The following UBR3 variants were observed in gnomAD, a reference collection of about 807,000 sequenced individuals.
UBR3 encodes ubiquitin protein ligase E3 component n-recognin 3.
Under a neutral mutation model 243.2 loss-of-function variants are expected in UBR3, and 85 were observed. That is an observed-to-expected ratio of 0.35 (90% confidence interval 0.29 to 0.42). UBR3 has a LOEUF of 0.42. Ranked by LOEUF, UBR3 falls within the 10% of genes least tolerant of loss-of-function variation. UBR3 has a pLI of 1.00. For missense variants in UBR3, 1,686 were observed against 2,300.8 expected (o/e 0.73, Z 5.47); for synonymous variants, 748 against 799.8 (o/e 0.94, Z 1.09).
intron 24 of UBR3, among the ~76,000 whole-genome samples, chr2:169,985,387 C>T (rs2088956115): frequency 6.6e-6 from 1 of 151,932 alleles, no homozygotes; most frequent in Non-Finnish European, 1.5e-5. Flanking sequence ...TGCCACCATG[C>T]CTGCCCAATT....
intron 1 of UBR3, among the ~76,000 whole-genome samples, chr2:169,841,611 G>A (rs1191220469): frequency 2.0e-5 from 3 of 152,198 alleles, no homozygotes; most frequent in Non-Finnish European, 4.4e-5. Context: ...TGGGCTTGGT[G>A]GGCCCTGCAC....
intron 1 of UBR3, among the ~76,000 whole-genome samples, chr2:169,833,425 C>A (rs150953536): frequency 0.016 from 2,408 of 152,316 alleles, 37 homozygotes; most frequent in Non-Finnish European, 0.026. Context: ...CCACATTTTG[C>A]TATTAGCCAG....
At chr2:169,891,565 C>G (rs73011770) in intron 6 of UBR3, among the ~76,000 whole-genome samples, 6,591 of 149,496 alleles carry the variant, frequency 0.044, 164 homozygotes, top group Middle Eastern at 0.068. Flanking sequence ...TATGCAATTT[C>G]TAGAGTGAAA....
chr2:169,871,777 G>C (rs895172407), intron 1 of UBR3, among the ~76,000 whole-genome samples: 1 of 130,424 alleles, frequency 7.7e-6, no homozygotes, highest in South Asian at 2.5e-4. Flanking sequence ...AAGATTAGAA[G>C]GAATGTATAC....
At chr2:170,065,350 G>A (rs528180891) in intron 35 of UBR3, among the ~76,000 whole-genome samples, 41 of 152,004 alleles carry the variant, frequency 2.7e-4, no homozygotes, top group African/African-American at 4.3e-4. Flanking sequence ...GCAGTGGCAC[G>A]ATCTCAGCTC....
Position 170,029,379 on chromosome 2 carries a change from G to A in UBR3, c.4487G>A (p.Arg1496Gln), listed in dbSNP as rs757508938. 5.6e-6 allele frequency: 9 copies of A among 1,610,642 alleles called. No individual in the cohort carries two copies. Among genetic ancestry groups the A allele is most frequent in the South Asian group, 5.5e-5 (5 of 90,640 alleles). ...TTTCATGTATTAGCCTTGCACATGC[G>A]GCTTTATAGCATTGACTCTGAGTAT... ...QLFHVLALHMRLYSIDSEYNP... is the reference protein window; with the variant it reads ...QLFHVLALHMQLYSIDSEYNP... The change falls in exon 31 of 39, where the codon CGG becomes CAG. Residue 1496 changes from arginine (R) to glutamine (Q), a missense_variant. Physicochemically the swap from Arg to Gln is conservative, Grantham distance 43 (BLOSUM62 1). Transcript: ENST00000272793.
At chr2:170,010,134 A>G (rs1040308287) in intron 29 of UBR3, among the ~76,000 whole-genome samples, 1 of 152,158 alleles carries the variant, frequency 6.6e-6, no homozygotes, top group African/African-American at 2.4e-5. Context: ...GTTTATCTAG[A>G]ATGTTTTTGG....
intron 18 of UBR3, among the ~76,000 whole-genome samples, 199 bp from the exon 19 acceptor site, chr2:169,932,713 G>A (rs2086182441): frequency 6.6e-6 from 1 of 152,190 alleles, no homozygotes. Context: ...CTGAACTCAA[G>A]AGAACATTCC....
chr2:169,991,534 C>T (rs2089272256), intron 25 of UBR3, among the ~76,000 whole-genome samples: 4 of 152,040 alleles, frequency 2.6e-5, no homozygotes, highest in Admixed American at 1.3e-4. Context: ...CAAAAGGAAA[C>T]CTGGGAAATT....
At chr2:169,882,305 T>C (rs1363019879) in intron 5 of UBR3, among the ~76,000 whole-genome samples, 2 of 141,272 alleles carry the variant, frequency 1.4e-5, no homozygotes, top group Non-Finnish European at 3.0e-5. Flanking sequence ...TATTTATGTA[T>C]ATTATATATT....
rs769428116 is a variant in UBR3, at chr2:169,875,858, T to C, written c.753T>C (p.Phe251=). 1 of 1,550,376 alleles carries C rather than the reference T, an allele frequency of 6.5e-7. No individual in the cohort carries two copies. Among genetic ancestry groups the C allele is most frequent in the South Asian group, 1.2e-5 (1 of 83,900 alleles). The change falls in exon 3 of 39, where the codon TTT becomes TTC. Residue 251 remains phenylalanine (F), a synonymous_variant. Transcript: ENST00000272793. ...AGCTTTTGGAACCTCAAATTTCCTT[T>C]TTAGAAGACCTGACTAAAATGGGAG... ...VLQLLEPQIS[F]LEDLTKMGGA... is the part of the protein sequence containing the mutation.
rs1458282141 is a variant in UBR3, at chr2:169,828,002, G to C, written c.495G>C (p.Gln165His). 7.0e-7 allele frequency: 1 copy of C among 1,418,960 alleles called. No individual in the cohort carries two copies. The highest frequency in any genetic ancestry group is 9.3e-7 in the Non-Finnish European group (1 of 1,079,728). The allele number at this position is 1,418,960 out of a possible 1,614,324, so 87.9% of individuals were successfully genotyped here. A position where few individuals can be genotyped will look rare whatever the true frequency, so the allele number is the denominator to read the frequency against. The change falls in exon 1 of 39, where the codon CAG (glutamine) becomes CAC (histidine). Residue 165 changes from glutamine to histidine, a missense_variant. Around this residue, in one of 8 missense-constraint regions of UBR3, gnomAD observed 145 missense variants for 243.8 expected, o/e 0.59. Transcript: ENST00000272793. ...TGHDFNMFRS[Q>H]AGGACDCGDS... ...ACGACTTCAACATGTTCCGCAGCCA[G>C]GCCGGGGGCGCCTGCGACTGCGGGG...
intron 13 of UBR3, 52 bp downstream of exon 13, chr2:169,924,225 A>G: frequency 7.4e-7 from 1 of 1,348,192 alleles, no homozygotes; most frequent in South Asian, 1.4e-5. Context: ...TGTTTAAGTG[A>G]TTCTTCCTTT....
intron 36 of UBR3, chr2:170,078,206 C>G: frequency 1.9e-6 from 1 of 513,768 alleles, no homozygotes; most frequent in East Asian, 4.7e-5. Flanking sequence ...ATAAGCCTCT[C>G]AACTTTCCTT....
intron 7 of UBR3, among the ~76,000 whole-genome samples, chr2:169,896,086 C>T (rs1370450126): frequency 1.3e-5 from 2 of 152,036 alleles, no homozygotes; most frequent in East Asian, 1.9e-4. Flanking sequence ...CACCAGAGGT[C>T]GGGAGTTTGA....
At chr2:169,853,163 G>T (rs1346236281) in intron 1 of UBR3, among the ~76,000 whole-genome samples, 2 of 152,178 alleles carry the variant, frequency 1.3e-5, no homozygotes, top group African/African-American at 4.8e-5. Context: ...ATGAATGCTT[G>T]AGAAAATGGT....
chr2:169,902,284 A>G (rs1168377986), intron 8 of UBR3, among the ~76,000 whole-genome samples: 1 of 152,076 alleles, frequency 6.6e-6, no homozygotes, highest in Non-Finnish European at 1.5e-5. Flanking sequence ...GGCCATCTCT[A>G]AGCCTCTTAT....
intron 5 of UBR3, among the ~76,000 whole-genome samples, chr2:169,888,435 C>T (rs2084199484): frequency 1.3e-5 from 2 of 151,988 alleles, no homozygotes; most frequent in Middle Eastern, 3.2e-3. Flanking sequence ...CACCGCGCCT[C>T]GTCCTGTATT....
intron 3 of UBR3, among the ~76,000 whole-genome samples, chr2:169,877,030 T>C (rs1052342336): frequency 6.6e-5 from 10 of 152,238 alleles, no homozygotes; most frequent in Non-Finnish European, 1.5e-4. Flanking sequence ...TGTTGAATGG[T>C]GTATTGTTAT....
Sources: gnomAD v4.1 joint callset for allele counts (sites outside exome capture counted in the v4.1 genomes callset) on GRCh38, gnomAD v4.1.1 for gene constraint, gnomAD v4.1.1 regional missense constraint, MANE v1.5 for transcripts, NCBI Gene and HGNC (gene_info 2026-07-23, HGNC 2026-07-21) for gene names.